The following DPH6 variants were observed in gnomAD, a reference collection of about 807,000 sequenced individuals.
The protein encoded by DPH6 is diphthine--ammonia ligase.
In DPH6, 33 loss-of-function variants were observed where a neutral mutation model predicts 38.2. That is an observed-to-expected ratio of 0.86 (90% CI 0.65 to 1.15). The LOEUF is 1.15. DPH6 is among the 50% of genes most tolerant of loss of function. The pLI is 0.00. For synonymous variants in DPH6, 108 were observed against 103.0 expected (o/e 1.05, Z -0.30); for missense variants, 325 against 320.0 (o/e 1.02, Z -0.12).
At chr15:35,472,573 T>C (rs2054211745) in intron 3 of DPH6, among the ~76,000 whole-genome samples, 1 of 152,064 alleles carries the variant, frequency 6.6e-6, no homozygotes. Context: ...AAACAGTACC[T>C]GCAAGGGGCT....
At chr15:35,381,745 GCC>G in intron 7 of DPH6, 75 bp downstream of exon 7, 1 of 1,134,988 alleles carries the variant, frequency 8.8e-7, no homozygotes, top group Non-Finnish European at 1.3e-6. Flanking sequence ...AACAAAAGTT[GCC>G]TCAAGCTTAA....
intron 6 of DPH6, among the ~76,000 whole-genome samples, chr15:35,402,383 C>T (rs929583892): frequency 3.3e-5 from 5 of 152,034 alleles, no homozygotes; most frequent in African/African-American, 1.2e-4. Context: ...TGCAATATAC[C>T]TAAATTGAAT....
At position 35,371,721 on chromosome 15, in the gene DPH6, T is replaced by C; in HGVS notation, c.*429A>G. On this transcript the variant is annotated 3_prime_UTR_variant, in exon 9 of 9. Transcript: ENST00000256538. ...ATCGCTTTGGCGACACCCAGTAGAA[T>C]AAGCTTGACTGGCTAAATAAAGTGA... 1.0e-6 allele frequency: 1 copy of C among 986,960 alleles called. No homozygotes were observed. The highest frequency in any genetic ancestry group is 1.2e-6 in the Non-Finnish European group (1 of 831,114). The allele number at this position is 986,960 out of a possible 1,614,324, so 61.1% of individuals were successfully genotyped here. A position where few individuals can be genotyped will look rare whatever the true frequency, so the allele number is the denominator to read the frequency against.
intron 3 of DPH6, among the ~76,000 whole-genome samples, chr15:35,348,452 C>A (rs913573074): frequency 6.6e-6 from 1 of 152,044 alleles, no homozygotes; most frequent in African/African-American, 2.4e-5. Context: ...ATCATTTGAC[C>A]ATATACATAA....
In DPH6 at chr15:35,277,105, CA is replaced by C. The variant is rs530445562; in HGVS notation, n.201-56524del. The stretch of plus-strand genomic sequence containing the variant: ...TGTTTGTGTCATCTATGATTTCTTT[CA>C]GCAGTGTTTTGTAGTTTTCCTTGCA... On this transcript the variant is annotated intron_variant and non_coding_transcript_variant, in intron 3 of 3. Coordinates refer to the DPH6 transcript ENST00000560386. Among the ~76,000 whole-genome samples the C allele has an allele frequency of 2.2e-4, 33 of 152,230 alleles. No homozygotes were observed. The South Asian group carries it at 6.8e-3, about 32-fold the overall frequency.
intron 3 of DPH6, among the ~76,000 whole-genome samples, chr15:35,524,742 C>T (rs2054973561): frequency 6.6e-6 from 1 of 151,970 alleles, no homozygotes; most frequent in Non-Finnish European, 1.5e-5. Flanking sequence ...ACATAAATTG[C>T]AATTATAATT....
chr15:35,538,682 T>G lies in DPH6; in HGVS notation c.119-215A>C, dbSNP rs182877074. Among the ~76,000 whole-genome samples, 308 of 152,264 alleles carry G rather than the reference T, an allele frequency of 2.0e-3. 4 individuals are homozygous for G. Among genetic ancestry groups the G allele is most frequent in the African/African-American group, 7.1e-3 (296 of 41,568 alleles). The stretch of plus-strand genomic sequence containing the variant: ...TCATATCACCCCTAATAATCTCTAC[T>G]ACTAATTACAAATACAAATGTATTA... On this transcript the variant is annotated intron_variant, in intron 2 of 8. Transcript: ENST00000256538.
chr15:35,392,381 C>T (rs1274354029), intron 6 of DPH6, among the ~76,000 whole-genome samples: 1 of 149,788 alleles, frequency 6.7e-6, no homozygotes, highest in Non-Finnish European at 1.5e-5. Flanking sequence ...AAATCAGTCT[C>T]ACTTATCTGT....
At chr15:35,416,756 G>A (rs558498610) in intron 5 of DPH6, among the ~76,000 whole-genome samples, 4 of 152,064 alleles carry the variant, frequency 2.6e-5, no homozygotes, top group African/African-American at 9.6e-5. Flanking sequence ...CAAGTCATTG[G>A]GGACCTCATG....
At chr15:35,496,555 C>CAAAAAAAAAAA (rs1180094812) in intron 3 of DPH6, among the ~76,000 whole-genome samples, 17 of 49,252 alleles carry the variant, frequency 3.5e-4, no homozygotes, top group African/African-American at 1.9e-3. Context: ...AGTTCCATCT[C>CAAAAAAAAAAA]AAAAAAAAAA....
chr15:35,266,358 A>G (rs1446633251), intron 3 of DPH6, among the ~76,000 whole-genome samples: 1 of 152,218 alleles, frequency 6.6e-6, no homozygotes, highest in Non-Finnish European at 1.5e-5. Flanking sequence ...AAAGGAAAGC[A>G]TGATCAGGTT....
intron 3 of DPH6, among the ~76,000 whole-genome samples, chr15:35,509,755 C>T (rs1309032059): frequency 6.6e-6 from 1 of 152,128 alleles, no homozygotes; most frequent in African/African-American, 2.4e-5. Context: ...AATTAAAATA[C>T]AATTAATTTT....
rs1268797151 is a variant in DPH6 at position 35,460,127 on chromosome 15, A to T, written c.313-5307T>A. ...TACCATTAGGGGGTTGATTATGACC[A>T]TTTAGGAGAAAGCTGCAGTCATGAT... is the stretch of plus-strand genomic sequence containing the variant. On this transcript the variant is annotated intron_variant, in intron 3 of 8. Coordinates refer to ENST00000256538, the MANE Select transcript of DPH6 (RefSeq NM_080650.4). 2.0e-5 allele frequency among the ~76,000 whole-genome samples: 3 copies of T among 152,308 alleles called. No individual in the cohort carries two copies. In the East Asian group the frequency reaches 5.8e-4, roughly 29 times the overall value.
At chr15:35,376,480 G>A (rs1430272546) in intron 7 of DPH6, among the ~76,000 whole-genome samples, 1 of 152,002 alleles carries the variant, frequency 6.6e-6, no homozygotes, top group Non-Finnish European at 1.5e-5. Context: ...TGACATCATA[G>A]CTGTCATAAT....
intron 3 of DPH6, among the ~76,000 whole-genome samples, chr15:35,527,596 T>C (rs2055023735): frequency 6.6e-6 from 1 of 152,104 alleles, no homozygotes; most frequent in Admixed American, 6.6e-5. Flanking sequence ...AGATATTATA[T>C]TCAGTGGGGT....
intron 3 of DPH6, among the ~76,000 whole-genome samples, chr15:35,263,197 C>T (rs558857835): frequency 2.6e-5 from 4 of 152,144 alleles, no homozygotes; most frequent in Admixed American, 2.6e-4. Context: ...TACATATCAC[C>T]TTTCTTCCAG....
chr15:35,326,064 A>T (rs189024228), downstream of DPH6, among the ~76,000 whole-genome samples: 1,267 of 152,288 alleles, frequency 8.3e-3, 10 homozygotes, highest in Non-Finnish European at 0.014. Context: ...GTTGACAAAG[A>T]TATGGAACAA....
At chr15:35,466,235 AAAGAT>A (rs1300534992) in intron 3 of DPH6, among the ~76,000 whole-genome samples, 4 of 152,142 alleles carry the variant, frequency 2.6e-5, no homozygotes, top group African/African-American at 9.7e-5. Context: ...TAAATACATA[AAAGAT>A]AAGGTGATAT....
At position 35,262,705 on chromosome 15, in the gene DPH6, C is replaced by CAAAAAAAAAAAA. The variant is rs58580024; in HGVS notation, n.201-42135_201-42124dup. Among the ~76,000 whole-genome samples, 98 of 82,620 alleles carry CAAAAAAAAAAAA rather than the reference C, an allele frequency of 1.2e-3. 8 individuals are homozygous for CAAAAAAAAAAAA. The highest frequency in any genetic ancestry group is 5.8e-3 in the African/African-American group (91 of 15,712). 54.2% of individuals were successfully genotyped at this position (82,620 alleles called of 152,430 possible). Reference sequence around the variant, plus strand: ...TGCGAAACAGAGCAAGACTCCGTCTCAAAAAAAAAAAAAAAAAAAAAAAAA... The same window carrying CAAAAAAAAAAAA: ...TGCGAAACAGAGCAAGACTCCGTCTCAAAAAAAAAAAAAAAAAAAAAAAAAAAAAAAAAAAAA... On this transcript the variant is annotated intron_variant and non_coding_transcript_variant, in intron 3 of 3. Transcript: ENST00000560386.
Sources: gnomAD v4.1 joint callset for allele counts (sites outside exome capture counted in the v4.1 genomes callset) on GRCh38, gnomAD v4.1.1 for gene constraint, MANE v1.5 for transcripts, NCBI Gene and HGNC (gene_info 2026-07-23, HGNC 2026-07-21) for gene names.